Variants in NTRK3 observed in about 807,000 individuals in gnomAD.
NTRK3 encodes the protein NT-3 growth factor receptor.
Under a neutral mutation model 91.7 loss-of-function variants are expected in NTRK3, and 24 were observed. The observed-to-expected ratio is 0.26, with a 90% CI of 0.19 to 0.37. The LOEUF is 0.37. NTRK3 is among the 10% of genes least tolerant of loss of function. NTRK3 has a pLI of 1.00. For missense variants in NTRK3, 880 were observed against 1,068.9 expected, an observed-to-expected ratio of 0.82 and a Z score of 2.46; for synonymous variants, 483 against 404.0, an observed-to-expected ratio of 1.20 and a Z score of -2.34.
intron 14 of NTRK3, chr15:87,978,820 G>A (rs1022237163): frequency 4.2e-5 from 10 of 235,660 alleles, no homozygotes; most frequent in Non-Finnish European, 6.7e-5. Flanking sequence ...CTCTTACCGC[G>A]CCGTCTCCAC....
chr15:88,154,239 C>T (rs2043674418), intron 5 of NTRK3, among the ~76,000 whole-genome samples: 1 of 152,138 alleles, frequency 6.6e-6, no homozygotes, highest in Non-Finnish European at 1.5e-5. Flanking sequence ...GCACCATCAG[C>T]TCCACACCAG....
rs1245694185 is a variant in NTRK3, at chr15:88,255,360, A to C, written c.248+546T>G. 2.6e-5 allele frequency among the ~76,000 whole-genome samples: 4 copies of C among 152,134 alleles called. No individual in the cohort carries two copies. Among genetic ancestry groups the C allele is most frequent in the African/African-American group, 9.7e-5 (4 of 41,434 alleles). ...GTCCAAAGTCTCCCCGCGAGCAGCC[A>C]GCTCGCAACTTGTTTACTTGTCAGC... is the stretch of plus-strand genomic sequence containing the variant. On this transcript the variant is annotated intron_variant, in intron 3 of 18. Coordinates refer to ENST00000394480, the Ensembl canonical transcript of NTRK3. This position sits in a 1 kb window ranked among gnomAD's most constrained non-coding sequence, Gnocchi z 4.3.
At chr15:88,078,049 C>G (rs967991532) in intron 13 of NTRK3, among the ~76,000 whole-genome samples, 1 of 152,244 alleles carries the variant, frequency 6.6e-6, no homozygotes, top group African/African-American at 2.4e-5. Flanking sequence ...ACCCCCTGCC[C>G]AGGGGCCATG....
intron 14 of NTRK3, among the ~76,000 whole-genome samples, chr15:88,023,065 C>T (rs1377376631): frequency 6.6e-6 from 1 of 152,084 alleles, no homozygotes; most frequent in Non-Finnish European, 1.5e-5. Flanking sequence ...TGATTTTTTT[C>T]TTCCAGGAAT....
intron 17 of NTRK3, among the ~76,000 whole-genome samples, chr15:87,886,676 C>T (rs1484183971): frequency 9.9e-6 from 1 of 101,204 alleles, no homozygotes; most frequent in Non-Finnish European, 2.0e-5. Flanking sequence ...CCACTTTTTG[C>T]TATATATATA....
intron 13 of NTRK3, among the ~76,000 whole-genome samples, chr15:88,061,242 T>G (rs534799393): frequency 3.9e-5 from 6 of 152,348 alleles, no homozygotes; most frequent in South Asian, 2.1e-4. Flanking sequence ...TGAATAAATT[T>G]AACTTTCACC....
chr15:88,184,711 C>A (rs776257824), intron 3 of NTRK3, among the ~76,000 whole-genome samples: 1 of 151,948 alleles, frequency 6.6e-6, no homozygotes, highest in Non-Finnish European at 1.5e-5. Context: ...CCCATAAAGA[C>A]AATACAAATG....
chr15:87,952,202 G>T (rs1441568553), intron 14 of NTRK3, among the ~76,000 whole-genome samples: 7 of 132,352 alleles, frequency 5.3e-5, no homozygotes, highest in African/African-American at 1.9e-4. Context: ...AGAAAGGAAA[G>T]AAAGAAAGAA....
At chr15:88,131,965 T>C (rs1042589442) in intron 10 of NTRK3, 1 of 203,092 alleles carries the variant, frequency 4.9e-6, no homozygotes, top group Non-Finnish European at 1.0e-5. Context: ...GAACTGGGGC[T>C]GTGCCATGAA....
exon 17 of NTRK3, chr15:87,929,369 C>T (rs2141914626): frequency 1.2e-6 from 2 of 1,614,064 alleles, no homozygotes; most frequent in Non-Finnish European, 1.7e-6. Flanking sequence ...TTGGGAGAGC[C>T]CCAGCTCACC....
chr15:87,876,977 A>G, exon 19 of NTRK3: 1 of 1,613,930 alleles, frequency 6.2e-7, no homozygotes, highest in Non-Finnish European at 8.5e-7. Context: ...CCTTCCCCAA[A>G]GCATGGAGGA....
chr15:87,983,283 C>A (rs1350091395), intron 14 of NTRK3, among the ~76,000 whole-genome samples: 1 of 152,178 alleles, frequency 6.6e-6, no homozygotes, highest in Non-Finnish European at 1.5e-5. Context: ...TAACAGGGAG[C>A]CAGAAGGCAA....
intron 17 of NTRK3, among the ~76,000 whole-genome samples, chr15:87,918,075 G>A (rs1429618492): frequency 6.6e-6 from 1 of 151,968 alleles, no homozygotes; most frequent in Non-Finnish European, 1.5e-5. Context: ...GAGCCTGTGG[G>A]ACCAGCCAGT....
At position 88,241,255 on chromosome 15, in the gene NTRK3, C is replaced by A. The variant is rs1370892502; in HGVS notation, c.248+14651G>T. 6.6e-6 allele frequency among the ~76,000 whole-genome samples: 1 copy of A among 152,154 alleles called. No homozygotes were observed. The highest frequency in any genetic ancestry group is 1.5e-5 in the Non-Finnish European group (1 of 68,024). ...TAAGAACATAGAGGGCAGTAGAGGGCAGCAGGGTGGGGCCTCAAGGTCAGA... is the reference window on the plus strand; with the variant it reads ...TAAGAACATAGAGGGCAGTAGAGGGAAGCAGGGTGGGGCCTCAAGGTCAGA... On this transcript the variant is annotated intron_variant, in intron 3 of 18. Coordinates refer to ENST00000394480, the Ensembl canonical transcript of NTRK3. The surrounding 1 kb of genome is among the most constrained non-coding windows in gnomAD (Gnocchi z 4.3).
At position 87,981,209 on chromosome 15, in the gene NTRK3, C is replaced by T. The variant is rs1014270571; in HGVS notation, c.1586-40456G>A. The T allele has an allele frequency of 2.6e-6, 4 of 1,562,712 alleles. 1 individual carries two copies. The highest frequency in any genetic ancestry group is 1.4e-5 in the African/African-American group (1 of 73,498). On this transcript the variant is annotated intron_variant, in intron 14 of 18. Coordinates refer to ENST00000394480, the Ensembl canonical transcript of NTRK3. ...GGATCTTTACTGCATACAAAGACGT[C>T]AAAGGAGGTAACTCACCATGTGACC...
chr15:88,022,066 G>C (rs908693099), intron 14 of NTRK3, among the ~76,000 whole-genome samples: 4 of 152,128 alleles, frequency 2.6e-5, no homozygotes. Flanking sequence ...TGAAAAGCAA[G>C]TGACTTATTT....
At chr15:88,032,993 G>C in exon 14 of NTRK3, 1 of 1,608,924 alleles carries the variant, frequency 6.2e-7, no homozygotes, top group Non-Finnish European at 8.5e-7. Flanking sequence ...CGTGGTTGAT[G>C]TGGTGCAGTG....
At chr15:88,222,747 C>A (rs899549438) in intron 3 of NTRK3, among the ~76,000 whole-genome samples, 5 of 152,096 alleles carry the variant, frequency 3.3e-5, no homozygotes, top group African/African-American at 1.2e-4. Context: ...TAATCTGTGA[C>A]CAGAGTGCCC....
chr15:88,132,116 T>C (rs1456739430), intron 10 of NTRK3: 1 of 182,604 alleles, frequency 5.5e-6, no homozygotes, highest in Admixed American at 6.3e-5. Flanking sequence ...TGACAAGTGA[T>C]TGAGTCAGAG....
Sources: gnomAD v4.1 joint callset for allele counts (sites outside exome capture counted in the v4.1 genomes callset) on GRCh38, gnomAD v4.1.1 for gene constraint, Gnocchi (gnomAD v3.1) non-coding constraint, MANE v1.5 for transcripts, NCBI Gene and HGNC (gene_info 2026-07-23, HGNC 2026-07-21) for gene names.